The following SIPA1L1 variants were observed in gnomAD, a reference collection of about 807,000 sequenced individuals.
SIPA1L1 encodes the protein signal-induced proliferation-associated 1-like protein 1.
SIPA1L1 carries 26 observed loss-of-function variants against 162.7 expected under a neutral mutation model. The observed-to-expected ratio is 0.16, with a 90% CI of 0.12 to 0.22. SIPA1L1 has a LOEUF of 0.22. SIPA1L1 is among the 10% of genes least tolerant of loss of function. The pLI, the probability that SIPA1L1 is intolerant of heterozygous loss-of-function variation, is 1.00. For missense variants in SIPA1L1, 1,874 were observed against 2,241.0 expected (o/e 0.84, Z 3.31); for synonymous variants, 829 against 837.4 (o/e 0.99, Z 0.17).
chr14:71,417,498 A>AAAAAAAAAAAAAAAAAAAAAAAT (rs1157625899), intron 2 of SIPA1L1, among the ~76,000 whole-genome samples: 1 of 146,492 alleles, frequency 6.8e-6, no homozygotes, highest in Non-Finnish European at 1.5e-5. Flanking sequence ...AAAAAAAAAA[A>AAAAAAAAAAAAAAAAAAAAAAAT]AAAAAGAAAA....
At chr14:71,422,278 T>A (rs776225148) in intron 2 of SIPA1L1, among the ~76,000 whole-genome samples, 1 of 152,176 alleles carries the variant, frequency 6.6e-6, no homozygotes, top group Non-Finnish European at 1.5e-5. Context: ...TTTGTAGTTA[T>A]TTTAACTTTT....
intron 2 of SIPA1L1, among the ~76,000 whole-genome samples, chr14:71,341,125 C>T (rs145918518): frequency 1.4e-3 from 210 of 152,318 alleles, no homozygotes; most frequent in Non-Finnish European, 2.5e-3. Flanking sequence ...GGGCTGACAC[C>T]TGCCGAGGGA....
intron 4 of SIPA1L1, among the ~76,000 whole-genome samples, chr14:71,539,683 G>C (rs1300709120): frequency 6.6e-6 from 1 of 152,068 alleles, no homozygotes; most frequent in Non-Finnish European, 1.5e-5. Context: ...ATAGAATAAT[G>C]CTTTTTGTTT....
At chr14:71,649,801 G>A (rs1260183739) in intron 7 of SIPA1L1, among the ~76,000 whole-genome samples, 2 of 152,110 alleles carry the variant, frequency 1.3e-5, no homozygotes, top group East Asian at 1.9e-4. Context: ...ATATAGGCAA[G>A]GTTTATAATT....
In SIPA1L1 at chr14:71,399,818, T is replaced by G. The variant is rs895497789; in HGVS notation, c.-465+78637T>G. On this transcript the variant is annotated intron_variant, in intron 2 of 23. Transcript: ENST00000381232. ...CTCACTGCAACCCCACCTCTCGGGT[T>G]CAAGCGATTCTCCTGCCTCAGCCTC... Among the ~76,000 whole-genome samples the G allele has an allele frequency of 1.2e-4, 18 of 151,918 alleles. 1 individual carries two copies. The highest frequency in any genetic ancestry group is 2.6e-4 in the Non-Finnish European group (18 of 67,984).
At chr14:71,709,037 T>C (rs2082679133) in intron 16 of SIPA1L1, among the ~76,000 whole-genome samples, 185 bp from the exon 17 acceptor site, 1 of 152,136 alleles carries the variant, frequency 6.6e-6, no homozygotes, top group East Asian at 1.9e-4. Flanking sequence ...CTAGTACCCT[T>C]TACCATGGAT....
intron 2 of SIPA1L1, among the ~76,000 whole-genome samples, chr14:71,428,370 G>GT (rs113100900): frequency 0.019 from 2,748 of 147,456 alleles, 35 homozygotes; most frequent in East Asian, 0.029. Context: ...ATGATTTGCG[G>GT]TTTTTTTTTT....
intron 5 of SIPA1L1, among the ~76,000 whole-genome samples, chr14:71,612,435 CTA>C (rs2148352215): frequency 6.6e-6 from 1 of 152,174 alleles, no homozygotes; most frequent in South Asian, 2.1e-4. Flanking sequence ...TTTATGATGT[CTA>C]TTTTTTCTAT....
intron 2 of SIPA1L1, among the ~76,000 whole-genome samples, chr14:71,487,102 A>G (rs1025415641): frequency 4.6e-5 from 7 of 152,116 alleles, no homozygotes; most frequent in Admixed American, 3.3e-4. Context: ...TCTGCCTGGT[A>G]AGTTCTCTGC....
chr14:71,482,677 C>A (rs2048441222), intron 2 of SIPA1L1, among the ~76,000 whole-genome samples: 1 of 152,172 alleles, frequency 6.6e-6, no homozygotes, highest in African/African-American at 2.4e-5. Flanking sequence ...TGAATTAGGG[C>A]TCTGATGTAT....
intron 10 of SIPA1L1, among the ~76,000 whole-genome samples, chr14:71,664,036 G>A (rs1313291090): frequency 6.6e-6 from 1 of 152,136 alleles, no homozygotes; most frequent in African/African-American, 2.4e-5. Context: ...TCAGGTATGT[G>A]GTGATGTCAG....
chr14:71,499,675 G>A (rs950583879), intron 2 of SIPA1L1, among the ~76,000 whole-genome samples: 2 of 152,180 alleles, frequency 1.3e-5, no homozygotes, highest in South Asian at 2.1e-4. Flanking sequence ...GGTGATTGAT[G>A]TGCTAAATAA....
intron 2 of SIPA1L1, among the ~76,000 whole-genome samples, chr14:71,352,780 C>CA (rs1388650089): frequency 8.5e-5 from 13 of 152,144 alleles, no homozygotes; most frequent in Admixed American, 8.5e-4. Context: ...TACTGATAAA[C>CA]AGTTTTCTAA....
chr14:71,692,564 A>C (rs1450339117), intron 13 of SIPA1L1, among the ~76,000 whole-genome samples: 1 of 152,196 alleles, frequency 6.6e-6, no homozygotes, highest in East Asian at 1.9e-4. Flanking sequence ...TGTGATTTGC[A>C]AGTTCACATT....
chr14:71,347,039 C>T (rs141040252), intron 2 of SIPA1L1, among the ~76,000 whole-genome samples: 79 of 150,740 alleles, frequency 5.2e-4, no homozygotes, highest in African/African-American at 1.9e-3. Flanking sequence ...GCAGCCTCTG[C>T]CTTCCAGGTT....
intron 2 of SIPA1L1, among the ~76,000 whole-genome samples, chr14:71,449,641 G>A (rs921881106): frequency 7.9e-5 from 12 of 152,304 alleles, no homozygotes; most frequent in Non-Finnish European, 1.8e-4. Context: ...AACGAAGAAC[G>A]ATTTTACTAG....
chr14:71,665,677 AT>A (rs1270352450), intron 10 of SIPA1L1, among the ~76,000 whole-genome samples: 2 of 152,166 alleles, frequency 1.3e-5, no homozygotes, highest in Non-Finnish European at 2.9e-5. Flanking sequence ...GGGCCATTTG[AT>A]TTTGGGGCAA....
chr14:71,462,520 G>A (rs142351512), intron 2 of SIPA1L1, among the ~76,000 whole-genome samples: 1,668 of 152,312 alleles, frequency 0.011, 14 homozygotes, highest in East Asian at 0.022. Context: ...TCCACTAGGC[G>A]TTGTGCCTCT....
chr14:71,737,137 TC>T (rs1318509126), intron 22 of SIPA1L1, among the ~76,000 whole-genome samples: 2 of 152,216 alleles, frequency 1.3e-5, no homozygotes, highest in Non-Finnish European at 2.9e-5. Context: ...TCATGGTCAC[TC>T]CATCAGCCCA....
Sources: allele counts gnomAD v4.1 joint callset (sites outside exome capture counted in the v4.1 genomes callset), GRCh38; gene constraint gnomAD v4.1.1; transcripts MANE v1.5; gene names NCBI Gene and HGNC (gene_info 2026-07-23, HGNC 2026-07-21).